The following TRPM6 variants were observed in gnomAD, a reference collection of about 807,000 sequenced individuals.
TRPM6 encodes the protein transient receptor potential cation channel subfamily M member 6.
TRPM6 carries 111 observed loss-of-function variants against 247.6 expected under a neutral mutation model. The observed-to-expected ratio is 0.45, with a 90% CI of 0.38 to 0.52. The LOEUF is 0.52. Ranked by LOEUF, TRPM6 falls within the 20% of genes least tolerant of loss-of-function variation. TRPM6 has a pLI of 0.00. For synonymous variants in TRPM6, 892 were observed against 853.8 expected, an observed-to-expected ratio of 1.04 and a Z score of -0.78; for missense variants, 2,126 against 2,421.5, an observed-to-expected ratio of 0.88 and a Z score of 2.56.
At chr9:74,827,412 C>T (rs1829374814) in intron 7 of TRPM6, among the ~76,000 whole-genome samples, 1 of 152,120 alleles carries the variant, frequency 6.6e-6, no homozygotes, top group Admixed American at 6.5e-5. Context: ...AAGGCAGGGG[C>T]CAACTTCGGC....
At chr9:74,801,473 C>T (rs372517853) in intron 16 of TRPM6, among the ~76,000 whole-genome samples, 2 of 151,926 alleles carry the variant, frequency 1.3e-5, no homozygotes, top group Admixed American at 6.6e-5. Context: ...TTCTATTTTC[C>T]ACCATTACTC....
chr9:74,828,900 A>G (rs1231848552), intron 6 of TRPM6, among the ~76,000 whole-genome samples: 1 of 152,200 alleles, frequency 6.6e-6, no homozygotes, highest in South Asian at 2.1e-4. Context: ...GACTGGCACC[A>G]GTACATAGAC....
rs115580017 is a variant in TRPM6 at position 74,878,294 on chromosome 9, G to A, written c.33+9530C>T. 9.2e-3 allele frequency among the ~76,000 whole-genome samples: 1,403 copies of A among 152,214 alleles called. 27 individuals are homozygous for A. The highest frequency in any genetic ancestry group is 0.032 in the African/African-American group (1,341 of 41,536). ...CACCATTGCCACTGACAGCACCCAAGAAAGTCACCTGCAGGCCCAAGAATC... is the reference window on the plus strand; with the variant it reads ...CACCATTGCCACTGACAGCACCCAAAAAAGTCACCTGCAGGCCCAAGAATC... On this transcript the variant is annotated intron_variant, in intron 1 of 38. Coordinates refer to ENST00000360774, the MANE Select transcript of TRPM6 (RefSeq NM_017662.5).
chr9:74,829,482 C>T (rs2118077653), intron 6 of TRPM6, among the ~76,000 whole-genome samples: 1 of 152,290 alleles, frequency 6.6e-6, no homozygotes, highest in Non-Finnish European at 1.5e-5. Context: ...GGCTCTTCTA[C>T]TTACTAACCT....
intron 3 of TRPM6, among the ~76,000 whole-genome samples, chr9:74,850,669 G>A (rs1044525581): frequency 2.0e-5 from 3 of 150,660 alleles, no homozygotes; most frequent in Admixed American, 2.0e-4. Flanking sequence ...ACTGTGAGCC[G>A]AGATCACACC....
At chr9:74,737,422 T>C (rs1825729901) in intron 36 of TRPM6, 1 of 1,289,788 alleles carries the variant, frequency 7.8e-7, no homozygotes, top group East Asian at 5.5e-5. Flanking sequence ...CAAGCCTGGC[T>C]TTCAGCATAG....
chr9:74,880,070 CAT>C (rs1448064696), intron 1 of TRPM6, among the ~76,000 whole-genome samples: 1 of 152,022 alleles, frequency 6.6e-6, no homozygotes, highest in Non-Finnish European at 1.5e-5. Context: ...CTCCCACACA[CAT>C]ATTTGTCACA....
intron 16 of TRPM6, 100 bp from the exon 17 acceptor site, chr9:74,800,582 G>T: frequency 1.2e-6 from 1 of 825,150 alleles, no homozygotes; most frequent in Non-Finnish European, 2.0e-6. Flanking sequence ...AAGATTGGAT[G>T]TGAGGCTCAG....
chr9:74,874,530 G>A (rs913108515), intron 1 of TRPM6, among the ~76,000 whole-genome samples: 6 of 152,146 alleles, frequency 3.9e-5, no homozygotes, highest in Admixed American at 2.6e-4. Context: ...CGCAACTCCA[G>A]AACAGGTTTC....
chr9:74,834,142 A>G lies in TRPM6; in HGVS notation c.545-20T>C. 1 of 1,613,810 alleles carries G rather than the reference A, an allele frequency of 6.2e-7. No homozygotes were observed. Among genetic ancestry groups the G allele is most frequent in the Non-Finnish European group, 8.5e-7 (1 of 1,179,780 alleles). On this transcript the variant is annotated intron_variant, in intron 5 of 38. Coordinates refer to ENST00000360774, the MANE Select transcript of TRPM6 (RefSeq NM_017662.5). ...ACACTCCTATGAACAACCAGTTTAG[A>G]AGTCAAACTTTAATTCACAAATCGT...
At chr9:74,801,429 C>G (rs990273495) in intron 16 of TRPM6, among the ~76,000 whole-genome samples, 3 of 151,950 alleles carry the variant, frequency 2.0e-5, no homozygotes, top group Non-Finnish European at 4.4e-5. Context: ...TACTATAACA[C>G]TTTAGTAACT....
intron 32 of TRPM6, 24 bp from the exon 33 acceptor site, chr9:74,742,650 A>G: frequency 1.2e-6 from 2 of 1,606,384 alleles, no homozygotes; most frequent in Non-Finnish European, 1.7e-6. Context: ...CAGATTTTCT[A>G]TTTTAAGTAT....
At chr9:74,852,145 G>T (rs1481838519) in intron 3 of TRPM6, among the ~76,000 whole-genome samples, 2 of 151,566 alleles carry the variant, frequency 1.3e-5, no homozygotes, top group Non-Finnish European at 1.5e-5. Context: ...TTAAAAATTA[G>T]AATTTTTTTT....
chr9:74,768,928 C>G (rs531237901), intron 25 of TRPM6, among the ~76,000 whole-genome samples: 2 of 152,188 alleles, frequency 1.3e-5, no homozygotes, highest in Non-Finnish European at 2.9e-5. Context: ...GGAGGCTATC[C>G]TGTCCACATC....
At chr9:74,728,191 G>C in intron 38 of TRPM6, 48 bp downstream of exon 38, 1 of 1,315,256 alleles carries the variant, frequency 7.6e-7, no homozygotes, top group Non-Finnish European at 1.1e-6. Context: ...AAAGGATGTT[G>C]TTCTATGAGA....
rs778516632 is a variant in TRPM6 at position 74,739,379 on chromosome 9, G to A, written c.5558C>T (p.Pro1853Leu). The A allele has an allele frequency of 1.9e-6, 3 of 1,613,816 alleles. No individual in the cohort carries two copies. The highest frequency in any genetic ancestry group is 2.5e-6 in the Non-Finnish European group (3 of 1,179,936). ...TFNQVKPQTI[P>L]YTPRFLEVFL... ...AAGATTTTCTTACCTTGGTGTGTAG[G>A]GTATGGTTTGTGGTTTCACTTGGTT... The change falls in exon 35 of 39, where the codon CCC becomes CTC. Residue 1853 changes from proline to leucine, a missense_variant. Coordinates refer to ENST00000360774, the MANE Select transcript of TRPM6 (RefSeq NM_017662.5).
At chr9:74,805,170 A>G (rs1042428894) in intron 14 of TRPM6, among the ~76,000 whole-genome samples, 8 of 152,366 alleles carry the variant, frequency 5.3e-5, no homozygotes, top group Non-Finnish European at 1.0e-4. Context: ...AACCATAAAC[A>G]GGATGCTTTT....
intron 1 of TRPM6, among the ~76,000 whole-genome samples, chr9:74,883,248 T>A (rs1831421866): frequency 6.6e-6 from 1 of 152,234 alleles, no homozygotes; most frequent in Admixed American, 6.5e-5. Flanking sequence ...ATATTTTGTT[T>A]ATCCATCCAG....
At chr9:74,828,554 T>G (rs1829432001) in intron 6 of TRPM6, among the ~76,000 whole-genome samples, 1 of 152,066 alleles carries the variant, frequency 6.6e-6, no homozygotes, top group African/African-American at 2.4e-5. Flanking sequence ...AAGATTAGCC[T>G]GCTTTCCACG....
Sources: gnomAD v4.1 joint callset for allele counts (sites outside exome capture counted in the v4.1 genomes callset) on GRCh38, gnomAD v4.1.1 for gene constraint, MANE v1.5 for transcripts, NCBI Gene and HGNC (gene_info 2026-07-23, HGNC 2026-07-21) for gene names.